Variants in RAD21 observed in about 807,000 individuals in gnomAD.
RAD21 encodes RAD21 cohesin complex component.
A neutral mutation model predicts 71.5 loss-of-function variants in RAD21; 18 were observed. That is an observed-to-expected ratio of 0.25 (90% confidence interval 0.17 to 0.37). The LOEUF (loss-of-function observed/expected upper bound fraction) is 0.37. RAD21 is among the 10% of genes least tolerant of loss of function. The probability of loss-of-function intolerance (pLI) is 1.00; values close to 1 mark genes in which losing one functional copy is unlikely to be tolerated. For synonymous variants in RAD21, 248 were observed against 254.0 expected (o/e 0.98, Z 0.22); for missense variants, 493 against 769.1 (o/e 0.64, Z 4.25).
chr8:116,868,648 A>G (rs1447409433), intron 1 of RAD21, among the ~76,000 whole-genome samples: 1 of 152,206 alleles, frequency 6.6e-6, no homozygotes, highest in Non-Finnish European at 1.5e-5. Context: ...ATAAACTAAA[A>G]AAGCTAAAAC....
chr8:116,865,558 C>T (rs1230233051), intron 2 of RAD21, among the ~76,000 whole-genome samples: 1 of 152,128 alleles, frequency 6.6e-6, no homozygotes. Context: ...CATCACTTGG[C>T]CTATCAATTA....
chr8:116,873,646 T>C (rs1330225964), intron 1 of RAD21, among the ~76,000 whole-genome samples: 2 of 151,994 alleles, frequency 1.3e-5, no homozygotes, highest in East Asian at 1.9e-4. Flanking sequence ...GTTTTTTTTT[T>C]CACGCTGAAG....
chr8:116,857,488 A>G lies in RAD21; in HGVS notation c.482-15T>C, dbSNP rs1421141353. ...TCCAAAATCACCTAAACAAATTTTA[A>G]TTTGTCATTAGTTTAGAAAGATTAG... On this transcript the variant is annotated splice_polypyrimidine_tract_variant and intron_variant, in intron 5 of 13. Coordinates refer to ENST00000297338, the MANE Select transcript of RAD21 (RefSeq NM_006265.3). 2.5e-6 allele frequency: 4 copies of G among 1,600,942 alleles called. No individual in the cohort carries two copies. Among genetic ancestry groups the G allele is most frequent in the African/African-American group, 1.3e-5 (1 of 74,766 alleles).
At chr8:116,864,496 C>T (rs531714378) in intron 2 of RAD21, among the ~76,000 whole-genome samples, 1 of 151,616 alleles carries the variant, frequency 6.6e-6, no homozygotes, top group East Asian at 1.9e-4. Context: ...TATGGCCATA[C>T]ATTTTTAGAC....
Position 116,866,746 on chromosome 8 carries a change from G to A in RAD21, c.-17C>T. The A allele has an allele frequency of 6.4e-7, 1 of 1,573,154 alleles. No individual in the cohort carries two copies. Among genetic ancestry groups the A allele is most frequent in the Non-Finnish European group, 8.6e-7 (1 of 1,161,326 alleles). On this transcript the variant is annotated 5_prime_UTR_variant, in exon 2 of 14. Transcript: ENST00000297338. ...GTAGAACATTGTTCTGGCTGGCTAT[G>A]AAAACAGAAGAAAACCTAAGAGGGG...
intron 4 of RAD21, 145 bp downstream of exon 4, chr8:116,861,696 A>C (rs1233105212): frequency 4.4e-6 from 2 of 449,794 alleles, no homozygotes; most frequent in South Asian, 8.8e-5. Context: ...TTTATGTTCC[A>C]TATTTATATA....
intron 13 of RAD21, among the ~76,000 whole-genome samples, chr8:116,848,530 A>G (rs1422222916): frequency 6.6e-6 from 1 of 152,184 alleles, no homozygotes; most frequent in Non-Finnish European, 1.5e-5. Flanking sequence ...CTAGGACATT[A>G]AAGCACAAGG....
intron 1 of RAD21, among the ~76,000 whole-genome samples, chr8:116,873,249 T>C (rs1411840400): frequency 6.6e-6 from 1 of 150,794 alleles, no homozygotes; most frequent in Non-Finnish European, 1.5e-5. Flanking sequence ...GAAATTCTTT[T>C]GTAATTCTGA....
chr8:116,859,587 A>G (rs1812544734), intron 4 of RAD21, among the ~76,000 whole-genome samples: 1 of 152,118 alleles, frequency 6.6e-6, no homozygotes, highest in African/African-American at 2.4e-5. Flanking sequence ...AGTGCCACAA[A>G]GGATGCCCAA....
At chr8:116,852,844 C>T (rs1456335154) in intron 9 of RAD21, 136 bp from the exon 10 acceptor site, 1 of 559,554 alleles carries the variant, frequency 1.8e-6, no homozygotes, top group African/African-American at 2.0e-5. Context: ...ATCATATTCA[C>T]ATTTCATTCC....
intron 3 of RAD21, 83 bp from the exon 4 acceptor site, chr8:116,862,023 C>T (rs1362330975): frequency 2.8e-6 from 3 of 1,052,972 alleles, no homozygotes; most frequent in Non-Finnish European, 2.9e-6. Flanking sequence ...GTATAACTTC[C>T]TAAGTTTATA....
At chr8:116,847,795 T>C in intron 13 of RAD21, 104 bp from the exon 14 acceptor site, 2 of 1,096,336 alleles carry the variant, frequency 1.8e-6, no homozygotes, top group Admixed American at 5.4e-5. Context: ...AATCTCATGC[T>C]GAAACGTAAT....
chr8:116,859,923 T>C (rs919078407), intron 4 of RAD21, among the ~76,000 whole-genome samples: 2 of 152,100 alleles, frequency 1.3e-5, no homozygotes, highest in African/African-American at 4.8e-5. Flanking sequence ...TTGAAGGAAA[T>C]GAAAAATGCT....
In RAD21 at chr8:116,856,698, C is replaced by T. The variant is rs1207084117; in HGVS notation, c.762G>A (p.Met254Ile). Residue 254 changes from methionine to isoleucine, a missense_variant, in exon 7 of 14, where the codon ATG (methionine) becomes ATA (isoleucine). Met to Ile is a conservative substitution (Grantham distance 10). Transcript: ENST00000297338. ...DPPALSEAGV[M>I]LPEQPAHDDM... ...CGTCATGTGCAGGCTGCTCTGGCAA[C>T]ATCACCCCTGCCTCAGAGAGGGCAG... 3.1e-6 allele frequency: 5 copies of T among 1,594,450 alleles called. No individual in the cohort carries two copies. Among genetic ancestry groups the T allele is most frequent in the Non-Finnish European group, 4.3e-6 (5 of 1,169,968 alleles).
chr8:116,865,961 T>C (rs1428144005), intron 2 of RAD21, among the ~76,000 whole-genome samples: 1 of 152,184 alleles, frequency 6.6e-6, no homozygotes, highest in Non-Finnish European at 1.5e-5. Flanking sequence ...CAAAAGTCCG[T>C]AGTTTACATC....
At chr8:116,853,703 G>T (rs1001887755) in intron 9 of RAD21, among the ~76,000 whole-genome samples, 10 of 152,084 alleles carry the variant, frequency 6.6e-5, no homozygotes, top group Non-Finnish European at 1.0e-4. Flanking sequence ...AAATCAATAG[G>T]TTCTGTGCAT....
rs750510112 is a variant in RAD21, at chr8:116,866,670, C to T, written c.60G>A (p.Ala20=). 1.2e-5 allele frequency: 19 copies of T among 1,613,326 alleles called. No individual in the cohort carries two copies. Among genetic ancestry groups the T allele is most frequent in the Admixed American group, 1.7e-5 (1 of 59,914 alleles). Residue 20 remains alanine (A), a synonymous_variant, in exon 2 of 14, where the codon GCG becomes GCA. Coordinates refer to ENST00000297338, the MANE Select transcript of RAD21 (RefSeq NM_006265.3). ...TGGTTAGCTTCTTATCCCAATGGGCCGCTAGCCAAATTTTGGCCAGAGGCC... is the reference window on the plus strand; with the variant it reads ...TGGTTAGCTTCTTATCCCAATGGGCTGCTAGCCAAATTTTGGCCAGAGGCC... ...KRGPLAKIWL[A]AHWDKKLTKA... is the part of the protein sequence containing the mutation.
At chr8:116,862,027 G>C in intron 3 of RAD21, 87 bp from the exon 4 acceptor site, 1 of 997,786 alleles carries the variant, frequency 1.0e-6, no homozygotes, top group Non-Finnish European at 1.6e-6. Context: ...AACTTCCTAA[G>C]TTTATATTCT....
intron 1 of RAD21, among the ~76,000 whole-genome samples, chr8:116,872,401 T>C (rs1812842372): frequency 6.6e-6 from 1 of 152,188 alleles, no homozygotes; most frequent in Admixed American, 6.5e-5. Context: ...TCTTTCTCTA[T>C]ATATTTACGA....
Sources: gnomAD v4.1 joint callset for allele counts (sites outside exome capture counted in the v4.1 genomes callset) on GRCh38, gnomAD v4.1.1 for gene constraint, MANE v1.5 for transcripts, NCBI Gene and HGNC (gene_info 2026-07-23, HGNC 2026-07-21) for gene names.